HPRT1: variants seen among roughly 807,000 people sequenced by gnomAD.
HPRT1 encodes hypoxanthine phosphoribosyltransferase 1.
In HPRT1, 4 loss-of-function variants were observed where a neutral mutation model predicts 19.0. The observed-to-expected ratio is 0.21, with a 90% confidence interval of 0.10 to 0.48. HPRT1 has a LOEUF of 0.48. Among genes scored for constraint, HPRT1 ranks in the 20% least tolerant of loss-of-function variants. HPRT1 has a pLI of 0.98. For missense variants in HPRT1, 65 were observed against 164.0 expected (o/e 0.40, Z 3.30); for synonymous variants, 53 against 54.9 (o/e 0.97, Z 0.15).
intron 1 of HPRT1, among the ~76,000 whole-genome samples, chrX:134,468,558 C>A (rs2077603068): frequency 9.2e-6 from 1 of 109,109 alleles, no homozygotes; most frequent in Non-Finnish European, 1.9e-5. Context: ...AAATTCAAGA[C>A]CAGCCTGACC....
intron 1 of HPRT1, chrX:134,460,616 T>G: frequency 5.5e-6 from 1 of 181,268 alleles, no homozygotes; most frequent in Non-Finnish European, 1.0e-5. Flanking sequence ...TTGGTTGACA[T>G]GTGCCGCCTG....
intron 6 of HPRT1, among the ~76,000 whole-genome samples, chrX:134,494,234 C>T (rs1276579527): frequency 8.9e-6 from 1 of 112,281 alleles, no homozygotes; most frequent in Non-Finnish European, 1.9e-5. Flanking sequence ...CCCAGGGAAC[C>T]TGGCTCACAG....
At chrX:134,499,614 C>T (rs946996009) in intron 8 of HPRT1, among the ~76,000 whole-genome samples, 6 of 111,195 alleles carry the variant, frequency 5.4e-5, no homozygotes, top group Non-Finnish European at 1.1e-4. Context: ...ACCATCCTGG[C>T]TAACACGGTG....
intron 4 of HPRT1, among the ~76,000 whole-genome samples, chrX:134,489,510 C>T (rs2077661404): frequency 9.0e-6 from 1 of 111,236 alleles, no homozygotes; most frequent in East Asian, 2.8e-4. Flanking sequence ...TGTTTATAAC[C>T]ATTATGTGAA....
At chrX:134,461,072 G>A (rs992113741) in intron 1 of HPRT1, among the ~76,000 whole-genome samples, 3 of 111,506 alleles carry the variant, frequency 2.7e-5, no homozygotes, top group Non-Finnish European at 3.8e-5. Context: ...TCAGCCTCTG[G>A]TATCTTAGCT....
intron 1 of HPRT1, among the ~76,000 whole-genome samples, chrX:134,460,934 G>T (rs1179647158): frequency 9.0e-6 from 1 of 111,685 alleles, no homozygotes; most frequent in Admixed American, 9.5e-5. Context: ...AGGAACTAGG[G>T]AAAAGGCATT....
At chrX:134,486,570 C>T in intron 4 of HPRT1, 40 bp downstream of exon 4, 1 of 779,542 alleles carries the variant, frequency 1.3e-6, no homozygotes, top group Non-Finnish European at 2.0e-6. Context: ...GCACTTCATA[C>T]CGAGTCAATT....
chrX:134,488,856 G>A lies in HPRT1; in HGVS notation c.385-1332G>A, dbSNP rs186170590. On this transcript the variant is annotated intron_variant, in intron 4 of 8. Transcript: ENST00000298556. ...CTCATTTGCTGTGTGCCTTTGGATT[G>A]ACCCTATTTTTTGTATTCATTTTCT... 3.6e-5 allele frequency among the ~76,000 whole-genome samples: 4 copies of A among 111,710 alleles called. No homozygotes were observed. The Admixed American group carries it at 3.8e-4, about 11-fold the overall frequency.
chrX:134,474,207 A>G (rs2077617532), intron 2 of HPRT1, among the ~76,000 whole-genome samples: 1 of 111,723 alleles, frequency 9.0e-6, no homozygotes, highest in Non-Finnish European at 1.9e-5. Flanking sequence ...CCAGTCCACT[A>G]TTGATAGACA....
intron 3 of HPRT1, among the ~76,000 whole-genome samples, chrX:134,478,937 G>A (rs2077632308): frequency 8.9e-6 from 1 of 112,346 alleles, no homozygotes; most frequent in African/African-American, 3.2e-5. Context: ...GCCATCAATT[G>A]TAATACATCA....
chrX:134,498,456 TG>T lies in HPRT1; in HGVS notation c.532+21del. The T allele has an allele frequency of 8.5e-7, 1 of 1,172,047 alleles. No individual in the cohort carries two copies. Among genetic ancestry groups the T allele is most frequent in the Non-Finnish European group, 1.2e-6 (1 of 858,845 alleles). ...CAGACTGTAAGTGAATTACTTTTTTTGTCAATCATTTAACCATCTTTAACCT... is the reference window on the plus strand; with the variant it reads ...CAGACTGTAAGTGAATTACTTTTTTTTCAATCATTTAACCATCTTTAACCT... On this transcript the variant is annotated intron_variant, in intron 7 of 8. Transcript: ENST00000298556.
At chrX:134,466,473 T>G (rs1020461410) in intron 1 of HPRT1, among the ~76,000 whole-genome samples, 1 of 107,653 alleles carries the variant, frequency 9.3e-6, no homozygotes, top group Admixed American at 1.0e-4. Flanking sequence ...AGAGGTCATG[T>G]GAGCACACAG....
At chrX:134,485,830 A>G (rs1356460033) in intron 3 of HPRT1, among the ~76,000 whole-genome samples, 1 of 112,147 alleles carries the variant, frequency 8.9e-6, no homozygotes, top group Non-Finnish European at 1.9e-5. Context: ...TGTCACCACC[A>G]ACTACAGTGG....
At chrX:134,478,964 T>G (rs1569356057) in intron 3 of HPRT1, among the ~76,000 whole-genome samples, 1 of 112,369 alleles carries the variant, frequency 8.9e-6, no homozygotes, top group African/African-American at 3.2e-5. Flanking sequence ...GAGCTATTAT[T>G]AATAAAATGT....
Position 134,486,517 on chromosome X carries a change from CT to C in HPRT1, c.374del (p.Leu125Ter). 1 of 1,146,531 alleles carries C rather than the reference CT, an allele frequency of 8.7e-7. No individual in the cohort carries two copies. Among genetic ancestry groups the C allele is most frequent in the Non-Finnish European group, 1.2e-6 (1 of 842,527 alleles). 94.5% of individuals were successfully genotyped at this position (1,146,531 alleles called of 1,213,427 possible). ...GTAATTGGTGGAGATGATCTCTCAA[CT>C]TTAACTGGAAAGGTATGTATCTTGA... ...IKVIGGDDLSTLTGKNVLIVE... is the reference protein window; with the variant it reads ...IKVIGGDDLSXLTGKNVLIVE... On this transcript the variant is annotated frameshift_variant, in exon 4 of 9. Transcript: ENST00000298556. LOFTEE classifies it high-confidence loss of function.
chrX:134,492,068 T>C (rs960350113), intron 5 of HPRT1, among the ~76,000 whole-genome samples: 1 of 100,972 alleles, frequency 9.9e-6, no homozygotes, highest in African/African-American at 3.7e-5. Flanking sequence ...TATATAGTTT[T>C]TTTTTTTTTT....
intron 8 of HPRT1, among the ~76,000 whole-genome samples, chrX:134,499,803 CAAAAAA>C (rs17879788): frequency 2.0e-5 from 2 of 98,851 alleles, no homozygotes; most frequent in Non-Finnish European, 4.1e-5. Context: ...GACTCCGTCT[CAAAAAA>C]AAAAACAAAA....
chrX:134,460,586 GAGA>G (rs773609043), intron 1 of HPRT1: 247 of 221,726 alleles, frequency 1.1e-3, no homozygotes, highest in Non-Finnish European at 1.7e-3. Flanking sequence ...CGTGTGGGAA[GAGA>G]AGGTGGAAAT....
chrX:134,460,278 T>G lies in HPRT1; in HGVS notation c.-34T>G. 3 of 1,117,341 alleles carry G rather than the reference T, an allele frequency of 2.7e-6. No homozygotes were observed. Among genetic ancestry groups the G allele is most frequent in the Non-Finnish European group, 3.5e-6 (3 of 852,954 alleles). The allele number at this position is 1,117,341 out of a possible 1,213,427, so 92.1% of individuals were successfully genotyped here. On this transcript the variant is annotated 5_prime_UTR_variant, in exon 1 of 9. Coordinates refer to ENST00000298556, the MANE Select transcript of HPRT1 (RefSeq NM_000194.3). ...TGCTCCGCCACCGGCTTCCTCCTCC[T>G]GAGCAGTCAGCCCGCGCGCCGGCCG...
Sources: gnomAD v4.1 joint callset for allele counts (sites outside exome capture counted in the v4.1 genomes callset) on GRCh38, gnomAD v4.1.1 for gene constraint, MANE v1.5 for transcripts, NCBI Gene and HGNC (gene_info 2026-07-23, HGNC 2026-07-21) for gene names.